TSPAN5: variants seen among roughly 807,000 people sequenced by gnomAD.
TSPAN5 encodes tetraspanin 5, also known as tetraspanin-5.
Under a neutral mutation model 37.1 loss-of-function variants are expected in TSPAN5, and 10 were observed. That is an observed-to-expected ratio of 0.27 (90% CI 0.17 to 0.46). The LOEUF is 0.46. Among genes scored for constraint, TSPAN5 ranks in the 20% least tolerant of loss-of-function variants. The probability of loss-of-function intolerance (pLI) is 1.00; values close to 1 mark genes in which losing one functional copy is unlikely to be tolerated. For synonymous variants in TSPAN5, 110 were observed against 118.9 expected (o/e 0.93, Z 0.48); for missense variants, 195 against 326.6 (o/e 0.60, Z 3.11).
rs768275562 is a variant in TSPAN5 at position 98,514,899 on chromosome 4, A to C, written c.82-7171T>G. ...GCAATATAAAGAAACATAAGTGAGT[A>C]GATGCAGGGAATTTTTTAAAATGGG... On this transcript the variant is annotated intron_variant, in intron 1 of 7. Coordinates refer to ENST00000305798, the MANE Select transcript of TSPAN5 (RefSeq NM_005723.4). 1.1e-3 allele frequency among the ~76,000 whole-genome samples: 161 copies of C among 152,306 alleles called. 1 individual carries two copies. Among genetic ancestry groups the C allele is most frequent in the Admixed American group, 1.3e-3 (20 of 15,298 alleles).
intron 1 of TSPAN5, among the ~76,000 whole-genome samples, chr4:98,577,388 C>G (rs187059095): frequency 5.9e-5 from 9 of 152,216 alleles, no homozygotes; most frequent in South Asian, 4.1e-4. Context: ...TGTTTCCCCC[C>G]CTGAAACTCC....
intron 1 of TSPAN5, among the ~76,000 whole-genome samples, chr4:98,522,369 A>G (rs1753874612): frequency 6.6e-6 from 1 of 152,226 alleles, no homozygotes; most frequent in Non-Finnish European, 1.5e-5. Context: ...GGCCTTTTGA[A>G]ATAAACGCTC....
rs1278410659 is a variant in TSPAN5 at position 98,471,325 on chromosome 4, A to C, written c.*1197T>G. The C allele has an allele frequency of 6.6e-6, 1 of 152,116 alleles. No homozygotes were observed. Among genetic ancestry groups the C allele is most frequent in the Non-Finnish European group, 1.5e-5 (1 of 68,036 alleles). The allele number at this position is 152,116 out of a possible 1,614,324, so 9.4% of individuals were successfully genotyped here. A position where few individuals can be genotyped will look rare whatever the true frequency, so the allele number is the denominator to read the frequency against. On this transcript the variant is annotated 3_prime_UTR_variant, in exon 8 of 8. Coordinates refer to ENST00000305798, the MANE Select transcript of TSPAN5 (RefSeq NM_005723.4). The stretch of plus-strand genomic sequence containing the variant: ...GTTTAATTCCATTCAAAGAGAAAGA[A>C]GGGGAGGGTGCAGAAAAGGCCACTC...
At chr4:98,508,092 A>G (rs777640329) in intron 1 of TSPAN5, among the ~76,000 whole-genome samples, 30 of 152,334 alleles carry the variant, frequency 2.0e-4, no homozygotes, top group South Asian at 1.2e-3. Context: ...ATGGATAAGC[A>G]GAGGCATTAA....
chr4:98,580,737 T>A (rs1755347990), intron 1 of TSPAN5, among the ~76,000 whole-genome samples: 2 of 152,212 alleles, frequency 1.3e-5, no homozygotes, highest in Non-Finnish European at 2.9e-5. Flanking sequence ...CATGAAAACC[T>A]GTTTTTTTAT....
Position 98,598,039 on chromosome 4 carries a change from G to C in TSPAN5, c.81+60107C>G, listed in dbSNP as rs1251401216. Among the ~76,000 whole-genome samples, 92 of 86,292 alleles carry C rather than the reference G, an allele frequency of 1.1e-3. 2 individuals are homozygous for C. Among genetic ancestry groups the C allele is most frequent in the African/African-American group, 6.4e-3 (86 of 13,424 alleles). The allele number at this position is 86,292 out of a possible 152,430, so 56.6% of individuals were successfully genotyped here. ...TGGCGGGCGCCCCTCCCCCAGCCTC[G>C]TTGCCGCCTTGCAGTTTGATCTCAG... On this transcript the variant is annotated intron_variant, in intron 1 of 7. Coordinates refer to ENST00000305798, the MANE Select transcript of TSPAN5 (RefSeq NM_005723.4).
At chr4:98,503,788 C>T (rs572825909) in intron 2 of TSPAN5, among the ~76,000 whole-genome samples, 2 of 152,318 alleles carry the variant, frequency 1.3e-5, no homozygotes, top group South Asian at 4.1e-4. Flanking sequence ...AGCACAAGCC[C>T]TGCCCATGCT....
intron 1 of TSPAN5, among the ~76,000 whole-genome samples, chr4:98,509,488 C>A (rs1370763878): frequency 6.6e-6 from 1 of 152,202 alleles, no homozygotes; most frequent in African/African-American, 2.4e-5. Flanking sequence ...GCTCTCGACA[C>A]TCATCTGACA....
At chr4:98,623,234 C>T (rs541694498) in intron 1 of TSPAN5, among the ~76,000 whole-genome samples, 1 of 152,238 alleles carries the variant, frequency 6.6e-6, no homozygotes, top group East Asian at 1.9e-4. Context: ...ATAGACCTCC[C>T]CCAAGGGAAC....
At chr4:98,546,812 C>G (rs1754482074) in intron 1 of TSPAN5, among the ~76,000 whole-genome samples, 2 of 152,300 alleles carry the variant, frequency 1.3e-5, no homozygotes, top group South Asian at 4.1e-4. Flanking sequence ...ATCTGATTCC[C>G]TAAGAGGGCT....
intron 1 of TSPAN5, among the ~76,000 whole-genome samples, chr4:98,643,339 A>ATGTT (rs1480345535): frequency 1.2e-4 from 19 of 152,170 alleles, no homozygotes; most frequent in Admixed American, 1.2e-3. Flanking sequence ...ACACTCTACA[A>ATGTT]TGTTTGCACA....
chr4:98,596,647 C>A (rs1755759534), intron 1 of TSPAN5, among the ~76,000 whole-genome samples: 1 of 75,186 alleles, frequency 1.3e-5, no homozygotes, highest in Non-Finnish European at 2.3e-5. Context: ...GACAAAATCT[C>A]TCAGCATTTG....
chr4:98,623,088 G>T (rs1756519202), intron 1 of TSPAN5, among the ~76,000 whole-genome samples: 1 of 151,980 alleles, frequency 6.6e-6, no homozygotes, highest in Non-Finnish European at 1.5e-5. Context: ...TTTAGGGGAG[G>T]GGAGGGTAGT....
At chr4:98,601,486 GC>G (rs888339970) in intron 1 of TSPAN5, among the ~76,000 whole-genome samples, 1 of 152,200 alleles carries the variant, frequency 6.6e-6, no homozygotes, top group African/African-American at 2.4e-5. Context: ...GAAGATGGCT[GC>G]TTTCCTTAAA....
At chr4:98,549,126 A>G (rs1754542327) in intron 1 of TSPAN5, among the ~76,000 whole-genome samples, 1 of 152,066 alleles carries the variant, frequency 6.6e-6, no homozygotes, top group Non-Finnish European at 1.5e-5. Context: ...TCTCCATACC[A>G]TTTTCCACTG....
chr4:98,556,064 C>T (rs936909322), intron 1 of TSPAN5, among the ~76,000 whole-genome samples: 1 of 136,976 alleles, frequency 7.3e-6, no homozygotes, highest in Non-Finnish European at 1.5e-5. Flanking sequence ...CACACACACA[C>T]AGGTAGGAAT....
intron 1 of TSPAN5, among the ~76,000 whole-genome samples, chr4:98,608,523 G>A (rs1057234055): frequency 3.3e-5 from 5 of 152,164 alleles, no homozygotes; most frequent in Admixed American, 3.3e-4. Context: ...CCACGGAGAG[G>A]AACAGTCTTC....
intron 2 of TSPAN5, among the ~76,000 whole-genome samples, chr4:98,494,845 C>T (rs1292757888): frequency 6.6e-6 from 1 of 151,958 alleles, no homozygotes; most frequent in Admixed American, 6.6e-5. Flanking sequence ...GTGACAGTCA[C>T]TAACTTGTTA....
At chr4:98,573,441 G>T (rs949636589) in intron 1 of TSPAN5, among the ~76,000 whole-genome samples, 5 of 152,106 alleles carry the variant, frequency 3.3e-5, no homozygotes, top group Non-Finnish European at 5.9e-5. Flanking sequence ...AGTCTATGTT[G>T]CCCAGGCTGG....
Sources: allele counts gnomAD v4.1 joint callset (sites outside exome capture counted in the v4.1 genomes callset), GRCh38; gene constraint gnomAD v4.1.1; transcripts MANE v1.5; gene names NCBI Gene and HGNC (gene_info 2026-07-23, HGNC 2026-07-21).